CAPS2: variants seen among roughly 807,000 people sequenced by gnomAD.
CAPS2 encodes the protein calcyphosine 2, also known as calcyphosin-2.
CAPS2 carries 98 observed loss-of-function variants against 86.5 expected under a neutral mutation model. The ratio of observed to expected loss-of-function variants is 1.13; its 90% CI spans 0.96 to 1.34. The LOEUF is 1.34. CAPS2 is among the 40% of genes most tolerant of loss of function. CAPS2 has a pLI of 0.00. For synonymous variants in CAPS2, 210 were observed against 225.1 expected, an observed-to-expected ratio of 0.93 and a Z score of 0.60; for missense variants, 729 against 686.8, an observed-to-expected ratio of 1.06 and a Z score of -0.69.
chr12:75,366,130 T>C (rs907693756), intron 1 of CAPS2, among the ~76,000 whole-genome samples: 2 of 152,220 alleles, frequency 1.3e-5, no homozygotes, highest in Non-Finnish European at 2.9e-5. Context: ...GCATGTGGGC[T>C]TATTATTTTA....
chr12:75,320,284 T>A (rs1199229690), intron 5 of CAPS2, among the ~76,000 whole-genome samples: 1 of 152,152 alleles, frequency 6.6e-6, no homozygotes, highest in Non-Finnish European at 1.5e-5. Context: ...TTAAAAAATA[T>A]TTTGAACAAT....
At chr12:75,325,375 T>A in intron 1 of CAPS2, 87 bp from the exon 3 acceptor site, 1 of 967,390 alleles carries the variant, frequency 1.0e-6, no homozygotes, top group Non-Finnish European at 1.5e-6. Context: ...GTCAATGCAA[T>A]AAAGCTAATT....
chr12:75,309,574 AT>A (rs1202921135), intron 7 of CAPS2, among the ~76,000 whole-genome samples: 3 of 152,348 alleles, frequency 2.0e-5, no homozygotes, highest in South Asian at 2.1e-4. Flanking sequence ...ATGAGTAGAC[AT>A]TTTTTAAAGG....
exon 5 of CAPS2, chr12:75,321,561 G>T (rs767428842): frequency 6.5e-7 from 1 of 1,546,064 alleles, no homozygotes; most frequent in Non-Finnish European, 8.8e-7. Flanking sequence ...AAATTTTCAG[G>T]TATTATGTTC....
intron 1 of CAPS2, among the ~76,000 whole-genome samples, chr12:75,381,008 C>A (rs2044933744): frequency 6.6e-6 from 1 of 152,058 alleles, no homozygotes; most frequent in Non-Finnish European, 1.5e-5. Flanking sequence ...GATTTATACT[C>A]AATTTTATGG....
Position 75,311,699 on chromosome 12 carries a change from G to GAAAAAA in CAPS2, c.659+1148_659+1149insTTTTTT, listed in dbSNP as rs764314438. Among the ~76,000 whole-genome samples, 12 of 16,976 alleles carry GAAAAAA rather than the reference G, an allele frequency of 7.1e-4. 2 individuals carry two copies. The highest frequency in any genetic ancestry group is 8.7e-4 in the African/African-American group (7 of 8,060). The allele number at this position is 16,976 out of a possible 152,430, so 11.1% of individuals were successfully genotyped here. A position where few individuals can be genotyped will look rare whatever the true frequency, so the allele number is the denominator to read the frequency against. ...CGTGTCACGTGCAGGAAGCCATGCA[G>GAAAAAA]GAAAAAAAAAAACAAAAAAAAAAAC... is the stretch of plus-strand genomic sequence containing the variant. On this transcript the variant is annotated intron_variant, in intron 7 of 16. Transcript: ENST00000393284.
chr12:75,298,935 C>T (rs761896615), exon 10 of CAPS2: 15 of 1,607,474 alleles, frequency 9.3e-6, no homozygotes, highest in Non-Finnish European at 1.2e-5. Flanking sequence ...AAAAAGAACC[C>T]AATGAGCTCT....
At chr12:75,347,602 G>T in intron 1 of CAPS2, 1 of 1,505,682 alleles carries the variant, frequency 6.6e-7, no homozygotes, top group South Asian at 1.1e-5. Context: ...ATTTTATCTT[G>T]ACATTCCTTT....
intron 15 of CAPS2, 78 bp downstream of exon 15, chr12:75,284,883 A>C: frequency 1.6e-6 from 2 of 1,270,092 alleles, no homozygotes; most frequent in South Asian, 1.6e-5. Flanking sequence ...TTTAAATGGT[A>C]ATTCATTAAA....
chr12:75,304,073 A>G (rs529045179), intron 8 of CAPS2, among the ~76,000 whole-genome samples: 57 of 152,324 alleles, frequency 3.7e-4, no homozygotes, highest in African/African-American at 1.3e-3. Context: ...TGTGTTTTAG[A>G]ATACTAAGCT....
At chr12:75,283,710 AG>A (rs568906071) in intron 15 of CAPS2, among the ~76,000 whole-genome samples, 5 of 152,158 alleles carry the variant, frequency 3.3e-5, no homozygotes, top group African/African-American at 7.2e-5. Flanking sequence ...GGTACTTGGG[AG>A]GCTGAGACAG....
chr12:75,305,833 C>T, intron 7 of CAPS2: 1 of 747,602 alleles, frequency 1.3e-6, no homozygotes. Flanking sequence ...TCAGGCTCAC[C>T]AGCCTCATCC....
At chr12:75,294,753 G>A (rs1307368301) in intron 11 of CAPS2, among the ~76,000 whole-genome samples, 2 of 151,974 alleles carry the variant, frequency 1.3e-5, no homozygotes, top group African/African-American at 4.8e-5. Flanking sequence ...CCAAAAACAT[G>A]TATGTGTCGG....
chr12:75,327,378 T>G (rs1401397045), upstream of CAPS2, among the ~76,000 whole-genome samples: 1 of 152,158 alleles, frequency 6.6e-6, no homozygotes, highest in East Asian at 1.9e-4. Context: ...TTGGTAAAAA[T>G]GCTAACAAAA....
rs577871875 is a variant in CAPS2 at position 75,326,051 on chromosome 12, T to C, written c.81+367A>G. The stretch of plus-strand genomic sequence containing the variant: ...ACTTCAAGTTAATGAAAATAGAAAA[T>C]AATTCACCCATCAGCACTTATACCC... On this transcript the variant is annotated intron_variant, in intron 1 of 16. Transcript: ENST00000393284. Among the ~76,000 whole-genome samples the C allele has an allele frequency of 1.6e-4, 24 of 152,148 alleles. No individual in the cohort carries two copies. The South Asian group carries it at 5.0e-3, about 32-fold the overall frequency.
chr12:75,287,263 T>G (rs2035051882), intron 14 of CAPS2, among the ~76,000 whole-genome samples: 1 of 151,970 alleles, frequency 6.6e-6, no homozygotes, highest in Non-Finnish European at 1.5e-5. Flanking sequence ...CCTGCCCTTC[T>G]TTCACCTTAA....
chr12:75,320,261 A>G (rs1184459058), intron 5 of CAPS2, among the ~76,000 whole-genome samples: 1 of 152,154 alleles, frequency 6.6e-6, no homozygotes, highest in Non-Finnish European at 1.5e-5. Context: ...ATTCAAGGAA[A>G]TAAAAGTTTT....
intron 1 of CAPS2, chr12:75,343,867 T>C (rs777201798): frequency 6.2e-7 from 1 of 1,612,902 alleles, no homozygotes; most frequent in Non-Finnish European, 8.5e-7. Flanking sequence ...CATTACGGCT[T>C]GGTATAATGA....
At chr12:75,301,008 T>C (rs2037748260) in intron 8 of CAPS2, among the ~76,000 whole-genome samples, 1 of 152,188 alleles carries the variant, frequency 6.6e-6, no homozygotes, top group African/African-American at 2.4e-5. Context: ...CACAGATCAA[T>C]AGGTTATTTA....
Sources: gnomAD v4.1 joint callset for allele counts (sites outside exome capture counted in the v4.1 genomes callset) on GRCh38, gnomAD v4.1.1 for gene constraint, MANE v1.5 for transcripts, NCBI Gene and HGNC (gene_info 2026-07-23, HGNC 2026-07-21) for gene names.